SMAD5: variants seen among roughly 807,000 people sequenced by gnomAD.
The protein encoded by SMAD5 is SMAD family member 5.
In SMAD5, 9 loss-of-function variants were observed where a neutral mutation model predicts 43.1. The ratio of observed to expected loss-of-function variants is 0.21; its 90% CI spans 0.13 to 0.36. The LOEUF is 0.36. SMAD5 is among the 10% of genes least tolerant of loss of function. The probability of loss-of-function intolerance (pLI) is 1.00; values close to 1 mark genes in which losing one functional copy is unlikely to be tolerated. For missense variants in SMAD5, 348 were observed against 574.0 expected (o/e 0.61, Z 4.02); for synonymous variants, 190 against 192.4 (o/e 0.99, Z 0.10).
chr5:136,176,571 A>G (rs1353424737), intron 7 of SMAD5, among the ~76,000 whole-genome samples: 1 of 151,358 alleles, frequency 6.6e-6, no homozygotes, highest in African/African-American at 2.4e-5. Flanking sequence ...ATTAGTATTT[A>G]AGTGACATCT....
intron 7 of SMAD5, among the ~76,000 whole-genome samples, chr5:136,176,191 C>T (rs1754408648): frequency 6.6e-6 from 1 of 151,144 alleles, no homozygotes; most frequent in Non-Finnish European, 1.5e-5. Flanking sequence ...AGGTGGCTCA[C>T]ACCTGTAATC....
At chr5:136,147,574 C>T (rs1320678969) in intron 1 of SMAD5, 1 of 151,826 alleles carries the variant, frequency 6.6e-6, no homozygotes, top group Non-Finnish European at 1.5e-5. Context: ...CAATTCTCAG[C>T]TCTGTTTCTT....
At chr5:136,142,219 A>C (rs570504222) in intron 1 of SMAD5, among the ~76,000 whole-genome samples, 1 of 152,196 alleles carries the variant, frequency 6.6e-6, no homozygotes, top group South Asian at 2.1e-4. Context: ...GGTAAGTGCT[A>C]CAAAGTAGGA....
At chr5:136,160,817 G>A (rs1346121010) in intron 3 of SMAD5, 39 bp from the exon 4 acceptor site, 1 of 1,606,042 alleles carries the variant, frequency 6.2e-7, no homozygotes, top group Non-Finnish European at 8.5e-7. Context: ...CATTTGTTTA[G>A]TCATTCCTGA....
In SMAD5 at chr5:136,160,983, C is replaced by G. The variant is rs1753804803; in HGVS notation, c.531C>G (p.Phe177Leu). 1 of 1,613,832 alleles carries G rather than the reference C, an allele frequency of 6.2e-7. No homozygotes were observed. The highest frequency in any genetic ancestry group is 1.3e-5 in the African/African-American group (1 of 74,900). ...MPQNATFPDS[F>L]HQPNNTPFPL... is the part of the protein sequence containing the mutation. ...AAAATGCCACGTTTCCAGATTCTTT[C>G]CACCAGCCCAACAACACTCCTTTTC... is the stretch of plus-strand genomic sequence containing the variant. The change falls in exon 4 of 8, where the codon TTC becomes TTG. Residue 177 changes from phenylalanine (F) to leucine (L), a missense_variant. This residue lies in a region of SMAD5 where 185 missense variants were observed against 207.0 expected (regional missense o/e 0.89). Coordinates refer to ENST00000545279, the MANE Select transcript of SMAD5 (RefSeq NM_005903.7).
intron 1 of SMAD5, chr5:136,147,314 G>A (rs1205502239): frequency 6.6e-6 from 1 of 151,822 alleles, no homozygotes; most frequent in Non-Finnish European, 1.5e-5. Flanking sequence ...TTGATAGGTT[G>A]ATGACATACG....
chr5:136,148,032 A>G (rs954804019), intron 2 of SMAD5, 126 bp downstream of exon 2: 5 of 151,850 alleles, frequency 3.3e-5, no homozygotes, highest in African/African-American at 1.2e-4. Context: ...GTAGACCACC[A>G]TTTTATACTA....
intron 5 of SMAD5, among the ~76,000 whole-genome samples, chr5:136,165,100 G>T (rs1753950881): frequency 6.6e-6 from 1 of 151,794 alleles, no homozygotes; most frequent in South Asian, 2.1e-4. Context: ...TCCTATAAAG[G>T]TTTTTCCCCC....
intron 1 of SMAD5, among the ~76,000 whole-genome samples, chr5:136,136,302 C>G (rs1752875175): frequency 6.6e-6 from 1 of 151,980 alleles, no homozygotes; most frequent in African/African-American, 2.4e-5. Context: ...CTCAGCCTCC[C>G]AAGTAGCTGG....
rs114967390 is a variant in SMAD5 at position 136,164,249 on chromosome 5, C to T, written c.775+858C>T. The stretch of plus-strand genomic sequence containing the variant: ...TCTTTTTGTGGATATTGTTTTATTT[C>T]TCTTGGATAGATATCTAGGAGTGCA... On this transcript the variant is annotated intron_variant, in intron 5 of 7. Coordinates refer to ENST00000545279, the MANE Select transcript of SMAD5 (RefSeq NM_005903.7). Among the ~76,000 whole-genome samples, 228 of 152,238 alleles carry T rather than the reference C, an allele frequency of 1.5e-3. 3 individuals are homozygous for T. Among genetic ancestry groups the T allele is most frequent in the African/African-American group, 5.2e-3 (217 of 41,546 alleles).
chr5:136,174,112 A>G (rs1205428246), intron 6 of SMAD5, among the ~76,000 whole-genome samples: 7 of 152,026 alleles, frequency 4.6e-5, no homozygotes. Flanking sequence ...GAGATGATAA[A>G]TGATTGTTGG....
intron 2 of SMAD5, among the ~76,000 whole-genome samples, chr5:136,150,221 G>A (rs1413468980): frequency 6.6e-6 from 1 of 151,312 alleles, no homozygotes; most frequent in African/African-American, 2.4e-5. Context: ...GGCTAAACCT[G>A]TATCTCCAGT....
At chr5:136,145,368 A>G (rs1461780014) in intron 1 of SMAD5, among the ~76,000 whole-genome samples, 3 of 151,998 alleles carry the variant, frequency 2.0e-5, no homozygotes, top group Non-Finnish European at 4.4e-5. Flanking sequence ...AGGGACACCA[A>G]ACAGGCACCA....
chr5:136,160,749 T>G (rs1753794174), intron 3 of SMAD5, 107 bp from the exon 4 acceptor site: 2 of 1,077,644 alleles, frequency 1.9e-6, no homozygotes, highest in Non-Finnish European at 2.7e-6. Context: ...GTAAATTGTT[T>G]TAATAGGTTT....
chr5:136,155,364 A>C (rs565801077), intron 3 of SMAD5, among the ~76,000 whole-genome samples: 13 of 152,292 alleles, frequency 8.5e-5, no homozygotes, highest in Middle Eastern at 3.4e-3. Flanking sequence ...CTTAATAAAT[A>C]TGTCACCTCT....
chr5:136,159,945 A>G (rs1753770455), intron 3 of SMAD5, among the ~76,000 whole-genome samples: 2 of 152,198 alleles, frequency 1.3e-5, no homozygotes, highest in South Asian at 4.1e-4. Flanking sequence ...TTCTAAGTGA[A>G]ACTACATTGA....
In SMAD5 at chr5:136,180,101, A is replaced by G. The variant is rs998079239; in HGVS notation, c.*2621A>G. ...CTGTTGTATCTCCTAAAAGTTGTCAACTCCCCACCCTTGGACTTTAAATGA... is the reference window on the plus strand; with the variant it reads ...CTGTTGTATCTCCTAAAAGTTGTCAGCTCCCCACCCTTGGACTTTAAATGA... On this transcript the variant is annotated 3_prime_UTR_variant, in exon 8 of 8. Coordinates refer to ENST00000545279, the MANE Select transcript of SMAD5 (RefSeq NM_005903.7). The G allele has an allele frequency of 1.3e-5, 2 of 151,816 alleles. No homozygotes were observed. Among genetic ancestry groups the G allele is most frequent in the Non-Finnish European group, 2.9e-5 (2 of 67,948 alleles). The allele number at this position is 151,816 out of a possible 1,614,324, so 9.4% of individuals were successfully genotyped here. A position where few individuals can be genotyped will look rare whatever the true frequency, so the allele number is the denominator to read the frequency against.
chr5:136,161,214 C>G (rs1753817174), intron 4 of SMAD5, 107 bp downstream of exon 4: 1 of 871,172 alleles, frequency 1.1e-6, no homozygotes, highest in Non-Finnish European at 1.8e-6. Context: ...GGTATAATAG[C>G]TGTTTCTGAC....
At chr5:136,166,919 G>A (rs894408722) in intron 5 of SMAD5, among the ~76,000 whole-genome samples, 1 of 152,150 alleles carries the variant, frequency 6.6e-6, no homozygotes, top group African/African-American at 2.4e-5. Context: ...CCCCTTTAGA[G>A]GAACTTGATA....
Sources: gnomAD v4.1 joint callset for allele counts (sites outside exome capture counted in the v4.1 genomes callset) on GRCh38, gnomAD v4.1.1 for gene constraint, gnomAD v4.1.1 regional missense constraint, MANE v1.5 for transcripts, NCBI Gene and HGNC (gene_info 2026-07-23, HGNC 2026-07-21) for gene names.